Variants in MAML2 observed in about 807,000 individuals in gnomAD.
MAML2 encodes mastermind-like protein 2.
A neutral mutation model predicts 96.1 loss-of-function variants in MAML2; 22 were observed. That is an observed-to-expected ratio of 0.23 (90% CI 0.16 to 0.33). The LOEUF is 0.33. Among genes scored for constraint, MAML2 ranks in the 10% least tolerant of loss-of-function variants. The pLI is 1.00. For synonymous variants in MAML2, 561 were observed against 521.3 expected, an observed-to-expected ratio of 1.08 and a Z score of -1.04; for missense variants, 1,367 against 1,392.4, an observed-to-expected ratio of 0.98 and a Z score of 0.29.
intron 2 of MAML2, among the ~76,000 whole-genome samples, chr11:96,032,510 C>T (rs1330402869): frequency 6.7e-6 from 1 of 150,100 alleles, no homozygotes; most frequent in Non-Finnish European, 1.5e-5. Flanking sequence ...TTGCTTGAAC[C>T]CTGGAGGCAG....
At chr11:96,129,578 G>T (rs1436545480) in intron 1 of MAML2, among the ~76,000 whole-genome samples, 2 of 152,216 alleles carry the variant, frequency 1.3e-5, no homozygotes, top group African/African-American at 4.8e-5. Context: ...GGGGTGGGTA[G>T]TGGGACACAA....
At chr11:96,188,143 T>G (rs929782679) in intron 1 of MAML2, among the ~76,000 whole-genome samples, 2 of 152,198 alleles carry the variant, frequency 1.3e-5, no homozygotes, top group African/African-American at 4.8e-5. Flanking sequence ...ACTCTTAGGT[T>G]TAGTGAAAGC....
intron 2 of MAML2, among the ~76,000 whole-genome samples, chr11:96,034,767 T>A (rs1858685648): frequency 6.6e-6 from 1 of 152,180 alleles, no homozygotes; most frequent in Non-Finnish European, 1.5e-5. Flanking sequence ...CTCTGAGCAC[T>A]GGACTCAGAC....
At chr11:96,192,697 A>C (rs1398309725) in intron 1 of MAML2, among the ~76,000 whole-genome samples, 1 of 152,204 alleles carries the variant, frequency 6.6e-6, no homozygotes, top group Non-Finnish European at 1.5e-5. Flanking sequence ...AACTACTCTC[A>C]GTCTTCAAAT....
chr11:96,010,114 C>A (rs11021385), intron 2 of MAML2, among the ~76,000 whole-genome samples: 42,350 of 151,990 alleles, frequency 0.28, 6,156 homozygotes, highest in South Asian at 0.42. Context: ...AAACCTTCTG[C>A]TTTCTATCTT....
At chr11:96,267,972 G>A (rs1456945255) in intron 1 of MAML2, among the ~76,000 whole-genome samples, 1 of 152,214 alleles carries the variant, frequency 6.6e-6, no homozygotes, top group East Asian at 1.9e-4. Flanking sequence ...GGCACCTGTT[G>A]AAACAATTTG....
At chr11:96,041,152 G>T (rs1858801747) in intron 2 of MAML2, among the ~76,000 whole-genome samples, 1 of 151,998 alleles carries the variant, frequency 6.6e-6, no homozygotes, top group Non-Finnish European at 1.5e-5. Flanking sequence ...TTTGGTAAGG[G>T]TATGGATTTT....
At chr11:95,986,068 G>A (rs926887651) in intron 3 of MAML2, among the ~76,000 whole-genome samples, 2 of 152,178 alleles carry the variant, frequency 1.3e-5, no homozygotes, top group South Asian at 4.1e-4. Context: ...TTTATTCAAT[G>A]AGAATAGCAC....
At chr11:96,069,080 C>T (rs886185825) in intron 2 of MAML2, among the ~76,000 whole-genome samples, 1 of 151,904 alleles carries the variant, frequency 6.6e-6, no homozygotes, top group Non-Finnish European at 1.5e-5. Context: ...AGGCATGTGC[C>T]ACCAGCCCAG....
intron 1 of MAML2, among the ~76,000 whole-genome samples, chr11:96,175,242 T>C (rs922307559): frequency 1.3e-5 from 2 of 152,238 alleles, no homozygotes; most frequent in African/African-American, 4.8e-5. Flanking sequence ...AGTGTCAGGT[T>C]TTCTTGCAGT....
intron 1 of MAML2, among the ~76,000 whole-genome samples, chr11:96,263,155 AC>A (rs1862775342): frequency 6.6e-6 from 1 of 152,184 alleles, no homozygotes; most frequent in African/African-American, 2.4e-5. Flanking sequence ...GTATACTATC[AC>A]CTCTTTAATC....
chr11:95,998,162 GTCTGTCTGTCTGTCTA>G (rs1300621001), intron 2 of MAML2, among the ~76,000 whole-genome samples: 1 of 146,264 alleles, frequency 6.8e-6, no homozygotes, highest in African/African-American at 2.6e-5. Context: ...CTGTCTGTCT[GTCTGTCTGTCTGTCTA>G]TCTATCTATC....
intron 4 of MAML2, among the ~76,000 whole-genome samples, chr11:95,981,331 T>C (rs545286555): frequency 4.3e-4 from 66 of 152,288 alleles, no homozygotes; most frequent in Middle Eastern, 6.8e-3. Context: ...AATCAACATA[T>C]TGAAATCTTC....
intron 1 of MAML2, among the ~76,000 whole-genome samples, chr11:96,338,475 G>C (rs920252105): frequency 6.6e-6 from 1 of 152,216 alleles, no homozygotes; most frequent in Admixed American, 6.5e-5. Context: ...TGAAACTTAA[G>C]GCTATTGAAA....
chr11:96,148,854 A>T (rs989975801), intron 1 of MAML2, among the ~76,000 whole-genome samples: 1 of 152,202 alleles, frequency 6.6e-6, no homozygotes, highest in Non-Finnish European at 1.5e-5. Flanking sequence ...ACAAAGCTTT[A>T]AGTCCATCTA....
intron 2 of MAML2, among the ~76,000 whole-genome samples, chr11:96,040,400 G>A (rs973541611): frequency 2.0e-5 from 3 of 152,144 alleles, no homozygotes; most frequent in Non-Finnish European, 4.4e-5. Context: ...GTACAACTCT[G>A]AGTTTGCACA....
chr11:96,013,265 C>T lies in MAML2; in HGVS notation c.2140-21542G>A, dbSNP rs188868136. On this transcript the variant is annotated intron_variant, in intron 2 of 4. Coordinates refer to ENST00000524717, the MANE Select transcript of MAML2 (RefSeq NM_032427.4). ...AACAACAAAATGAGATAACCCTAAG[C>T]ATTCTTTGTATCTATTCACTTCTCT... Among the ~76,000 whole-genome samples the T allele has an allele frequency of 1.1e-4, 17 of 152,298 alleles. No homozygotes were observed. In the East Asian group the frequency reaches 3.1e-3, roughly 28 times the overall value.
intron 1 of MAML2, among the ~76,000 whole-genome samples, chr11:96,333,251 G>C (rs992945725): frequency 6.6e-6 from 1 of 151,746 alleles, no homozygotes; most frequent in Non-Finnish European, 1.5e-5. Flanking sequence ...CAAGAACACT[G>C]TTAAAAACAA....
At chr11:96,055,712 T>G (rs925103796) in intron 2 of MAML2, among the ~76,000 whole-genome samples, 1 of 152,172 alleles carries the variant, frequency 6.6e-6, no homozygotes, top group Non-Finnish European at 1.5e-5. Context: ...AAACAGCCCA[T>G]GTAACCAAGC....
Sources: gnomAD v4.1 joint callset for allele counts (sites outside exome capture counted in the v4.1 genomes callset) on GRCh38, gnomAD v4.1.1 for gene constraint, MANE v1.5 for transcripts, NCBI Gene and HGNC (gene_info 2026-07-23, HGNC 2026-07-21) for gene names.